The following SLC6A3 variants were observed in gnomAD, a reference collection of about 807,000 sequenced individuals.
SLC6A3 encodes solute carrier family 6 member 3.
In SLC6A3, 19 loss-of-function variants were observed where a neutral mutation model predicts 70.4. The observed-to-expected ratio is 0.27, with a 90% CI of 0.19 to 0.40. SLC6A3 has a LOEUF of 0.40. Among genes scored for constraint, SLC6A3 ranks in the 10% least tolerant of loss-of-function variants. SLC6A3 has a pLI of 1.00. For missense variants in SLC6A3, 613 were observed against 838.5 expected (o/e 0.73, Z 3.32); for synonymous variants, 368 against 356.6 (o/e 1.03, Z -0.36).
rs1459090922 is a variant in SLC6A3, at chr5:1,406,320, C to T, written c.1499-32G>A. ...GAGAAGAGGTGGCATCAGTGTCCATCAGGGCAGCGCATTCCCCCGATGCTG... is the reference window on the plus strand; with the variant it reads ...GAGAAGAGGTGGCATCAGTGTCCATTAGGGCAGCGCATTCCCCCGATGCTG... On this transcript the variant is annotated intron_variant, in intron 11 of 14. Coordinates refer to ENST00000270349, the MANE Select transcript of SLC6A3 (RefSeq NM_001044.5). This position sits in a 1 kb window ranked among gnomAD's most constrained non-coding sequence, Gnocchi z 8.8. The T allele has an allele frequency of 6.4e-7, 1 of 1,559,888 alleles. No homozygotes were observed. The highest frequency in any genetic ancestry group is 8.8e-7 in the Non-Finnish European group (1 of 1,131,694).
intron 4 of SLC6A3, among the ~76,000 whole-genome samples, chr5:1,423,019 A>C (rs11738968): frequency 0.72 from 23,187 of 32,078 alleles, 9,600 homozygotes; most frequent in Non-Finnish European, 0.81. Context: ...GTGCTGCCCA[A>C]GGTGCTGGGT....
chr5:1,430,349 A>G (rs1248936091), intron 4 of SLC6A3, among the ~76,000 whole-genome samples: 2 of 152,142 alleles, frequency 1.3e-5, no homozygotes, highest in Non-Finnish European at 2.9e-5. Context: ...GCTCTAAGAA[A>G]AACGCCGGGT....
intron 7 of SLC6A3, 88 bp from the exon 8 acceptor site, chr5:1,414,903 G>A: frequency 3.2e-6 from 5 of 1,564,100 alleles, no homozygotes; most frequent in Non-Finnish European, 4.4e-6. Context: ...TACTGTGTCT[G>A]GGGAAGGGGG....
rs1165742903 is a variant in SLC6A3 at position 1,401,135 on chromosome 5, T to C, written c.1768-149A>G. 5 of 712,272 alleles carry C rather than the reference T, an allele frequency of 7.0e-6. No individual in the cohort carries two copies. The highest frequency in any genetic ancestry group is 6.0e-5 in the Admixed American group (3 of 49,994). 44.1% of individuals were successfully genotyped at this position (712,272 alleles called of 1,614,324 possible). A position where few individuals can be genotyped will look rare whatever the true frequency, so the allele number is the denominator to read the frequency against. ...CAATGCCCACCCGCTGGCATCCATATCACCAGCGCCCACCACTGACTTACA... is the reference window on the plus strand; with the variant it reads ...CAATGCCCACCCGCTGGCATCCATACCACCAGCGCCCACCACTGACTTACA... On this transcript the variant is annotated intron_variant, in intron 13 of 14. Transcript: ENST00000270349. This position sits in a 1 kb window ranked among gnomAD's most constrained non-coding sequence, Gnocchi z 6.1.
At position 1,413,788 on chromosome 5, in the gene SLC6A3, G is replaced by T. The variant is rs28363079; in HGVS notation, c.1156+903C>A. On this transcript the variant is annotated intron_variant, in intron 8 of 14. Coordinates refer to ENST00000270349, the MANE Select transcript of SLC6A3 (RefSeq NM_001044.5). This position sits in a 1 kb window ranked among gnomAD's most constrained non-coding sequence, Gnocchi z 7.1. ...AGCCTTGGGACTCCCTGGAGCTCTC[G>T]GTTGGCCCAAGTTAGGGCTGCCAAC... Among the ~76,000 whole-genome samples the T allele has an allele frequency of 6.6e-6, 1 of 152,074 alleles. No homozygotes were observed. Among genetic ancestry groups the T allele is most frequent in the East Asian group, 1.9e-4 (1 of 5,178 alleles).
chr5:1,398,567 A>T (rs1257580171), intron 14 of SLC6A3, among the ~76,000 whole-genome samples: 2 of 152,226 alleles, frequency 1.3e-5, no homozygotes, highest in African/African-American at 4.8e-5. Context: ...AAATGGATTA[A>T]CCTGTCCAAC....
intron 4 of SLC6A3, among the ~76,000 whole-genome samples, chr5:1,423,230 AC>A (rs1756499830): frequency 1.4e-5 from 1 of 72,770 alleles, no homozygotes; most frequent in Non-Finnish European, 2.5e-5. Context: ...ACCGCTGCCC[AC>A]GGTGCTGCCC....
chr5:1,428,433 CTG>C (rs1756619987), intron 4 of SLC6A3, among the ~76,000 whole-genome samples: 1 of 152,136 alleles, frequency 6.6e-6, no homozygotes, highest in South Asian at 2.1e-4. Context: ...AGTGGGGAAA[CTG>C]TAAACTGGTC....
Position 1,394,786 on chromosome 5 carries a change from AC to A in SLC6A3, c.1840-29del. The A allele has an allele frequency of 6.2e-7, 1 of 1,613,806 alleles. No homozygotes were observed. On this transcript the variant is annotated intron_variant, in intron 14 of 14. Transcript: ENST00000270349. The surrounding 1 kb of genome is among the most constrained non-coding windows in gnomAD (Gnocchi z 4.7). ...GGAAAGAAAACAGGTTTAGTCAGAA[AC>A]CCTGGGGCGATGCCCCATTTAAGAG...
intron 4 of SLC6A3, among the ~76,000 whole-genome samples, chr5:1,429,834 T>C (rs1365550185): frequency 6.6e-6 from 1 of 152,222 alleles, no homozygotes; most frequent in Non-Finnish European, 1.5e-5. Context: ...CAAGAGCACA[T>C]GCAGCCCAGG....
At position 1,429,975 on chromosome 5, in the gene SLC6A3, G is replaced by A. The variant is rs1206676662; in HGVS notation, c.653+2489C>T. 2.0e-5 allele frequency among the ~76,000 whole-genome samples: 3 copies of A among 152,144 alleles called. No individual in the cohort carries two copies. The East Asian group carries it at 5.8e-4, about 29-fold the overall frequency. The stretch of plus-strand genomic sequence containing the variant: ...AAATGGTGTGACTGTGCATTATTTG[G>A]ACAATTTTATCATTTCCCGCTTGCC... On this transcript the variant is annotated intron_variant, in intron 4 of 14. Coordinates refer to ENST00000270349, the MANE Select transcript of SLC6A3 (RefSeq NM_001044.5).
chr5:1,410,416 G>A (rs1317968690), intron 9 of SLC6A3, among the ~76,000 whole-genome samples: 2 of 152,154 alleles, frequency 1.3e-5, no homozygotes, highest in Non-Finnish European at 2.9e-5. Flanking sequence ...CCGTGGACGA[G>A]GTGGATAGGA....
intron 4 of SLC6A3, among the ~76,000 whole-genome samples, chr5:1,431,515 G>T (rs1432885781): frequency 4.0e-5 from 6 of 151,044 alleles, no homozygotes; most frequent in Non-Finnish European, 8.9e-5. Flanking sequence ...GATAGTGAGG[G>T]ATGGGCCTGA....
At chr5:1,439,644 G>T (rs574906114) in intron 3 of SLC6A3, among the ~76,000 whole-genome samples, 2 of 152,216 alleles carry the variant, frequency 1.3e-5, no homozygotes, top group African/African-American at 2.4e-5. Context: ...TCCTGGGGCC[G>T]TGCTGGGCTC....
At chr5:1,416,267 G>T in intron 6 of SLC6A3, 66 bp from the exon 7 acceptor site, 1 of 1,197,080 alleles carries the variant, frequency 8.4e-7, no homozygotes, top group Non-Finnish European at 1.2e-6. Flanking sequence ...AAGGACCTGA[G>T]CACCCTTCCT....
intron 4 of SLC6A3, among the ~76,000 whole-genome samples, chr5:1,429,906 C>A (rs1266049017): frequency 6.6e-6 from 1 of 152,210 alleles, no homozygotes; most frequent in Non-Finnish European, 1.5e-5. Flanking sequence ...CATCCACACG[C>A]AATGGGAGTT....
rs888244235 is a variant in SLC6A3, at chr5:1,411,142, C to G, written c.1269+101G>C. ...AAGGACAGGAGGTCTGGGGGCCGTA[C>G]GTGAGCCCAGGGATCTTGCCTAGCC... is the stretch of plus-strand genomic sequence containing the variant. On this transcript the variant is annotated intron_variant, in intron 9 of 14. Coordinates refer to ENST00000270349, the MANE Select transcript of SLC6A3 (RefSeq NM_001044.5). This position sits in a 1 kb window ranked among gnomAD's most constrained non-coding sequence, Gnocchi z 6.5. 6 of 824,682 alleles carry G rather than the reference C, an allele frequency of 7.3e-6. No individual in the cohort carries two copies. The highest frequency in any genetic ancestry group is 8.1e-6 in the Non-Finnish European group (4 of 492,008). The allele number at this position is 824,682 out of a possible 1,614,324, so 51.1% of individuals were successfully genotyped here.
chr5:1,406,320 C>A lies in SLC6A3; in HGVS notation c.1499-32G>T, dbSNP rs1459090922. 6.4e-7 allele frequency: 1 copy of A among 1,559,770 alleles called. No homozygotes were observed. Among genetic ancestry groups the A allele is most frequent in the East Asian group, 2.2e-5 (1 of 44,640 alleles). On this transcript the variant is annotated intron_variant, in intron 11 of 14. Transcript: ENST00000270349. This position sits in a 1 kb window ranked among gnomAD's most constrained non-coding sequence, Gnocchi z 8.8. ...GAGAAGAGGTGGCATCAGTGTCCAT[C>A]AGGGCAGCGCATTCCCCCGATGCTG...
rs1756855832 is a variant in SLC6A3 at position 1,437,134 on chromosome 5, C to G, written c.418+4225G>C. 6.6e-6 allele frequency among the ~76,000 whole-genome samples: 1 copy of G among 151,918 alleles called. No individual in the cohort carries two copies. The highest frequency in any genetic ancestry group is 1.5e-5 in the Non-Finnish European group (1 of 67,958). On this transcript the variant is annotated intron_variant, in intron 3 of 14. Transcript: ENST00000270349. This position sits in a 1 kb window ranked among gnomAD's most constrained non-coding sequence, Gnocchi z 4.8. ...GGCGTGGTGGCACGCACCTGTAGCCCCAGCTACTCGGGAGGCTGGGGCAGG... is the reference window on the plus strand; with the variant it reads ...GGCGTGGTGGCACGCACCTGTAGCCGCAGCTACTCGGGAGGCTGGGGCAGG...
Sources: gnomAD v4.1 joint callset for allele counts (sites outside exome capture counted in the v4.1 genomes callset) on GRCh38, gnomAD v4.1.1 for gene constraint, Gnocchi (gnomAD v3.1) non-coding constraint, MANE v1.5 for transcripts, NCBI Gene and HGNC (gene_info 2026-07-23, HGNC 2026-07-21) for gene names.